Variants in HFM1 observed in about 807,000 individuals in gnomAD.
The protein encoded by HFM1 is probable ATP-dependent DNA helicase HFM1.
Under a neutral mutation model 192.1 loss-of-function variants are expected in HFM1, and 169 were observed. The ratio of observed to expected loss-of-function variants is 0.88; its 90% CI spans 0.78 to 1.00. HFM1 has a LOEUF of 1.00. HFM1 is among the 50% of genes least tolerant of loss of function. The pLI is 0.00. For synonymous variants in HFM1, 525 were observed against 537.8 expected, an observed-to-expected ratio of 0.98 and a Z score of 0.33; for missense variants, 1,661 against 1,668.0, an observed-to-expected ratio of 1.00 and a Z score of 0.07.
At chr1:91,343,204 C>G (rs144467099) in intron 20 of HFM1, among the ~76,000 whole-genome samples, 174 of 109,156 alleles carry the variant, frequency 1.6e-3, no homozygotes, top group Admixed American at 4.0e-3. Context: ...GCACTCCAGC[C>G]TGGGCAAAAG....
intron 2 of HFM1, among the ~76,000 whole-genome samples, chr1:91,397,666 G>C (rs1487885288): frequency 6.6e-6 from 1 of 152,098 alleles, no homozygotes; most frequent in Non-Finnish European, 1.5e-5. Flanking sequence ...TTAAAATTTA[G>C]GACTGTGTCA....
Position 91,267,825 on chromosome 1 carries a change from T to C in HFM1, c.3803A>G (p.Asn1268Ser). 5.7e-6 allele frequency: 9 copies of C among 1,584,112 alleles called. No homozygotes were observed. Among genetic ancestry groups the C allele is most frequent in the Non-Finnish European group, 7.7e-6 (9 of 1,168,558 alleles). ...EVLNVNFELG[N>S]EVWDDFDDEN... ...ATCATCAAAATCATCCCAAACTTCA[T>C]TTCCCAATTCAAAGTTCACATTCAA... Residue 1268 changes from asparagine (N) to serine (S), a missense_variant, in exon 35 of 39, where the codon AAT (asparagine) becomes AGT (serine). Physicochemically the swap from Asn to Ser is conservative, Grantham distance 46. Coordinates refer to ENST00000370425, the MANE Select transcript of HFM1 (RefSeq NM_001017975.6).
At chr1:91,326,058 A>G (rs1460384383) in intron 20 of HFM1, among the ~76,000 whole-genome samples, 1 of 152,128 alleles carries the variant, frequency 6.6e-6, no homozygotes, top group Non-Finnish European at 1.5e-5. Context: ...GAAAATACAT[A>G]GTCAGAGGAG....
chr1:91,273,729 GAT>G lies in HFM1; in HGVS notation c.3753_3754del (p.Ser1252Ter). 6.4e-7 allele frequency: 1 copy of G among 1,568,980 alleles called. No individual in the cohort carries two copies. ...TAATTTACCTTTGTCTTGATATTCA[GAT>G]GGTTCTTGTCTAACTTTTCCATAGA... On this transcript the variant is annotated frameshift_variant, in exon 34 of 39. Coordinates refer to ENST00000370425, the MANE Select transcript of HFM1 (RefSeq NM_001017975.6). LOFTEE classifies it high-confidence loss of function.
intron 5 of HFM1, 33 bp downstream of exon 5, chr1:91,385,542 C>T: frequency 6.4e-7 from 1 of 1,568,850 alleles, no homozygotes; most frequent in Non-Finnish European, 8.7e-7. Flanking sequence ...TTAGTCTGTA[C>T]TCATAAAATG....
intron 30 of HFM1, among the ~76,000 whole-genome samples, chr1:91,294,440 G>A (rs959501664): frequency 6.6e-6 from 1 of 152,126 alleles, no homozygotes; most frequent in Non-Finnish European, 1.5e-5. Context: ...CATTCATATT[G>A]TTGTGTGTAG....
At chr1:91,289,971 A>G (rs1430100330) in intron 30 of HFM1, among the ~76,000 whole-genome samples, 1 of 152,174 alleles carries the variant, frequency 6.6e-6, no homozygotes, top group South Asian at 2.1e-4. Flanking sequence ...TGAAGGAGAA[A>G]TAAAATCCTT....
chr1:91,347,074 A>C (rs968398150), intron 19 of HFM1, among the ~76,000 whole-genome samples: 1 of 152,166 alleles, frequency 6.6e-6, no homozygotes, highest in African/African-American at 2.4e-5. Flanking sequence ...ACGCCACTGC[A>C]TTCCATCCTG....
rs1033000501 is a variant in HFM1 at position 91,304,451 on chromosome 1, GTT to G, written c.3391+8896_3391+8897del. On this transcript the variant is annotated intron_variant, in intron 30 of 38. Coordinates refer to ENST00000370425, the MANE Select transcript of HFM1 (RefSeq NM_001017975.6). Reference sequence around the variant, plus strand: ...TATACACCTATGTTTTCTTTTAAGAGTTTTATAGGTTTTTGTTTGTTTGTTTG... The same window carrying G: ...TATACACCTATGTTTTCTTTTAAGAGTTATAGGTTTTTGTTTGTTTGTTTG... Among the ~76,000 whole-genome samples, 5 of 147,522 alleles carry G rather than the reference GTT, an allele frequency of 3.4e-5. No individual in the cohort carries two copies. The Admixed American group carries it at 3.4e-4, about 10-fold the overall frequency.
At chr1:91,358,585 T>G (rs959153561) in intron 13 of HFM1, among the ~76,000 whole-genome samples, 39 of 152,004 alleles carry the variant, frequency 2.6e-4, no homozygotes, top group Non-Finnish European at 2.9e-5. Context: ...GAAAAACAAT[T>G]TCCATATCCA....
At chr1:91,299,640 C>T (rs1648344979) in intron 30 of HFM1, among the ~76,000 whole-genome samples, 1 of 152,188 alleles carries the variant, frequency 6.6e-6, no homozygotes, top group African/African-American at 2.4e-5. Flanking sequence ...TCACTCAAAA[C>T]CGCTCAACTA....
chr1:91,374,259 C>T (rs1181385350), intron 13 of HFM1, among the ~76,000 whole-genome samples: 2 of 151,918 alleles, frequency 1.3e-5, no homozygotes, highest in Admixed American at 6.6e-5. Context: ...CTAGGCATCA[C>T]ATTACATGGG....
At chr1:91,266,938 A>G (rs1211853712) in intron 35 of HFM1, among the ~76,000 whole-genome samples, 1 of 152,166 alleles carries the variant, frequency 6.6e-6, no homozygotes, top group African/African-American at 2.4e-5. Flanking sequence ...CCCCAAAACA[A>G]TAACATTTCA....
At chr1:91,370,175 T>G (rs893104635) in intron 13 of HFM1, among the ~76,000 whole-genome samples, 2 of 152,066 alleles carry the variant, frequency 1.3e-5, no homozygotes, top group African/African-American at 2.4e-5. Context: ...GGAGGAGTTG[T>G]TACCATTCCT....
intron 20 of HFM1, among the ~76,000 whole-genome samples, chr1:91,327,043 C>T (rs1356172256): frequency 1.3e-5 from 2 of 151,980 alleles, no homozygotes; most frequent in Non-Finnish European, 2.9e-5. Flanking sequence ...AAATAAAAAG[C>T]AAGAAATTAA....
chr1:91,349,521 G>C (rs1221085834), intron 18 of HFM1, among the ~76,000 whole-genome samples: 1 of 152,098 alleles, frequency 6.6e-6, no homozygotes, highest in Non-Finnish European at 1.5e-5. Context: ...CATTCATCCT[G>C]AGAAAAGTCA....
At chr1:91,281,081 A>G (rs1010859214) in intron 30 of HFM1, among the ~76,000 whole-genome samples, 1 of 152,254 alleles carries the variant, frequency 6.6e-6, no homozygotes, top group African/African-American at 2.4e-5. Flanking sequence ...AAACGTCACC[A>G]TATAGAGTGT....
At chr1:91,328,749 T>A in intron 20 of HFM1, 1 of 1,610,352 alleles carries the variant, frequency 6.2e-7, no homozygotes, top group Non-Finnish European at 8.5e-7. Context: ...GAGCAGGTGG[T>A]GGAAAAATTC....
At position 91,273,765 on chromosome 1, in the gene HFM1, T is replaced by C. The variant is rs1666538316; in HGVS notation, c.3719A>G (p.Gln1240Arg). The part of the protein sequence containing the change: ...SELPIMEQWD[Q>R]PEIYGKVRQE... ...TCTAACTTTTCCATAGATTTCAGGC[T>C]GATCCCACTGCTCCATTATAGGCAA... The change falls in exon 34 of 39, where the codon CAG (glutamine) becomes CGG (arginine). Residue 1240 changes from glutamine (Q) to arginine (R), a missense_variant. By Grantham distance (43) the Gln-to-Arg change is conservative. Coordinates refer to ENST00000370425, the MANE Select transcript of HFM1 (RefSeq NM_001017975.6). The C allele has an allele frequency of 6.2e-7, 1 of 1,603,780 alleles. No homozygotes were observed. The highest frequency in any genetic ancestry group is 1.3e-5 in the African/African-American group (1 of 74,848).
Sources: gnomAD v4.1 joint callset for allele counts (sites outside exome capture counted in the v4.1 genomes callset) on GRCh38, gnomAD v4.1.1 for gene constraint, MANE v1.5 for transcripts, NCBI Gene and HGNC (gene_info 2026-07-23, HGNC 2026-07-21) for gene names.